The following SDK1 variants were observed in gnomAD, a reference collection of about 807,000 sequenced individuals.
The protein encoded by SDK1 is sidekick cell adhesion molecule 1.
SDK1 carries 157 observed loss-of-function variants against 245.5 expected under a neutral mutation model. The ratio of observed to expected loss-of-function variants is 0.64; its 90% confidence interval spans 0.56 to 0.73. The LOEUF (loss-of-function observed/expected upper bound fraction) is 0.73. SDK1 is among the 30% of genes least tolerant of loss of function. SDK1 has a pLI of 0.00. For synonymous variants in SDK1, 1,647 were observed against 1,278.5 expected, an observed-to-expected ratio of 1.29 and a Z score of -6.15; for missense variants, 3,583 against 3,002.3, an observed-to-expected ratio of 1.19 and a Z score of -4.52.
In SDK1 at chr7:4,267,700, T is replaced by G; in HGVS notation, c.*2316T>G. 3.0e-6 allele frequency: 3 copies of G among 985,512 alleles called. No homozygotes were observed. Among genetic ancestry groups the G allele is most frequent in the Non-Finnish European group, 3.6e-6 (3 of 829,952 alleles). The allele number at this position is 985,512 out of a possible 1,614,324, so 61.0% of individuals were successfully genotyped here. On this transcript the variant is annotated 3_prime_UTR_variant, in exon 45 of 45. Transcript: ENST00000404826. ...GAGGATGAGCAGATTCGAGATATGT[T>G]TGTTGCTCTCGGGTTTTCGATACAA...
chr7:4,127,794 C>T (rs1056063320), intron 26 of SDK1, among the ~76,000 whole-genome samples: 13 of 152,370 alleles, frequency 8.5e-5, no homozygotes, highest in African/African-American at 2.4e-4. Flanking sequence ...GCCTCAGTGC[C>T]GCGGGCCAGT....
chr7:4,048,465 T>C (rs1789183711), intron 17 of SDK1, among the ~76,000 whole-genome samples: 1 of 152,148 alleles, frequency 6.6e-6, no homozygotes, highest in Admixed American at 6.5e-5. Context: ...CCGCGCACTG[T>C]CAGCACCCCG....
At chr7:4,185,382 GGA>G (rs1209363648) in intron 35 of SDK1, among the ~76,000 whole-genome samples, 1 of 152,192 alleles carries the variant, frequency 6.6e-6, no homozygotes, top group Non-Finnish European at 1.5e-5. Context: ...CACTATTCAT[GGA>G]TGGGCCCTGG....
intron 5 of SDK1, among the ~76,000 whole-genome samples, chr7:3,899,689 C>T (rs1378851472): frequency 6.6e-6 from 1 of 152,238 alleles, no homozygotes; most frequent in Non-Finnish European, 1.5e-5. Context: ...CCACGCAGCC[C>T]CGTGGAAGCA....
chr7:3,605,143 G>C (rs57346327), intron 1 of SDK1, among the ~76,000 whole-genome samples: 3,076 of 60,806 alleles, frequency 0.051, 115 homozygotes, highest in African/African-American at 0.21. Flanking sequence ...AAAAAAACAA[G>C]AAACACACAC....
chr7:3,696,058 C>T (rs1250325920), intron 4 of SDK1, among the ~76,000 whole-genome samples: 1 of 152,124 alleles, frequency 6.6e-6, no homozygotes, highest in Admixed American at 6.5e-5. Flanking sequence ...TCCGGTTTTC[C>T]CACTTGTCCC....
At chr7:3,999,637 T>C (rs1207651941) in intron 14 of SDK1, among the ~76,000 whole-genome samples, 1 of 152,146 alleles carries the variant, frequency 6.6e-6, no homozygotes, top group African/African-American at 2.4e-5. Flanking sequence ...GTTCAGGAAA[T>C]TTCCCAGTGA....
intron 12 of SDK1, among the ~76,000 whole-genome samples, chr7:3,973,684 A>T (rs1159444525): frequency 6.6e-6 from 1 of 152,104 alleles, no homozygotes; most frequent in Admixed American, 6.5e-5. Flanking sequence ...CGGGGCAGGA[A>T]TGTTGGGTGC....
Position 3,855,690 on chromosome 7 carries a change from G to T in SDK1, c.847+34107G>T, listed in dbSNP as rs73312003. ...AAGAAGCCCTAGGCAATTTTCCATA[G>T]CTGCAGAAAGGCAAAGAGGCCATTA... is the stretch of plus-strand genomic sequence containing the variant. On this transcript the variant is annotated intron_variant, in intron 5 of 44. Transcript: ENST00000404826. Among the ~76,000 whole-genome samples the T allele has an allele frequency of 7.8e-3, 1,190 of 152,314 alleles. 18 individuals are homozygous for T. Among genetic ancestry groups the T allele is most frequent in the African/African-American group, 0.027 (1,138 of 41,572 alleles).
intron 5 of SDK1, among the ~76,000 whole-genome samples, chr7:3,941,953 A>C (rs1170774138): frequency 1.4e-5 from 2 of 147,242 alleles, no homozygotes; most frequent in Non-Finnish European, 3.0e-5. Context: ...CTGTCGCCCA[A>C]GCTGGAGTGC....
chr7:3,337,621 C>G (rs1042057342), intron 1 of SDK1, among the ~76,000 whole-genome samples: 1 of 152,174 alleles, frequency 6.6e-6, no homozygotes, highest in African/African-American at 2.4e-5. Context: ...AAGGCAGATA[C>G]AGGAAAGCTA....
intron 1 of SDK1, among the ~76,000 whole-genome samples, chr7:3,554,893 G>C (rs554794784): frequency 6.6e-6 from 1 of 152,080 alleles, no homozygotes; most frequent in Non-Finnish European, 1.5e-5. Flanking sequence ...AAAAATCCCT[G>C]TAAGGAAAAC....
chr7:3,536,536 C>G (rs775563856), intron 1 of SDK1, among the ~76,000 whole-genome samples: 6 of 151,650 alleles, frequency 4.0e-5, no homozygotes, highest in Non-Finnish European at 8.8e-5. Context: ...CAAAAAAACC[C>G]CACAAAAATT....
At chr7:3,644,601 T>C (rs1444825070) in intron 4 of SDK1, among the ~76,000 whole-genome samples, 2 of 150,258 alleles carry the variant, frequency 1.3e-5, no homozygotes, top group Non-Finnish European at 3.0e-5. Flanking sequence ...TTATCTCTAC[T>C]GAAAATTAAA....
At chr7:3,303,225 A>G (rs1325802447) in intron 1 of SDK1, among the ~76,000 whole-genome samples, 8 of 152,232 alleles carry the variant, frequency 5.3e-5, no homozygotes, top group Admixed American at 5.2e-4. Flanking sequence ...AGCATTTATT[A>G]AGTCATTTTG....
intron 1 of SDK1, 104 bp downstream of exon 1, chr7:3,301,988 G>A (rs1779278801): frequency 3.4e-6 from 3 of 872,568 alleles, no homozygotes; most frequent in Non-Finnish European, 4.2e-6. Flanking sequence ...TCCCGGCCCG[G>A]GTCGGGATGC....
intron 15 of SDK1, among the ~76,000 whole-genome samples, chr7:4,011,362 C>T (rs11975767): frequency 6.6e-6 from 1 of 152,216 alleles, no homozygotes; most frequent in Non-Finnish European, 1.5e-5. Flanking sequence ...CTGGCTGTGC[C>T]TACATAAATC....
chr7:3,556,672 T>A (rs998144651), intron 1 of SDK1, among the ~76,000 whole-genome samples: 14 of 151,374 alleles, frequency 9.2e-5, no homozygotes, highest in African/African-American at 3.4e-4. Context: ...AATACAAAAA[T>A]TAAGCCAGGT....
intron 1 of SDK1, among the ~76,000 whole-genome samples, chr7:3,605,447 C>G (rs927107631): frequency 6.6e-6 from 1 of 152,188 alleles, no homozygotes; most frequent in African/African-American, 2.4e-5. Context: ...CTTCATTGCT[C>G]AGGCATGTAA....
Sources: gnomAD v4.1 joint callset for allele counts (sites outside exome capture counted in the v4.1 genomes callset) on GRCh38, gnomAD v4.1.1 for gene constraint, MANE v1.5 for transcripts, NCBI Gene and HGNC (gene_info 2026-07-23, HGNC 2026-07-21) for gene names.